ITPR2: variants seen among roughly 807,000 people sequenced by gnomAD.
The protein encoded by ITPR2 is inositol 1,4,5-trisphosphate receptor type 2.
ITPR2 carries 207 observed loss-of-function variants against 317.1 expected under a neutral mutation model. The ratio of observed to expected loss-of-function variants is 0.65; its 90% CI spans 0.58 to 0.73. ITPR2 has a LOEUF of 0.73. Ranked by LOEUF, ITPR2 falls within the 30% of genes least tolerant of loss-of-function variation. ITPR2 has a pLI of 0.00. For synonymous variants in ITPR2, 1,156 were observed against 1,149.1 expected, an observed-to-expected ratio of 1.01 and a Z score of -0.12; for missense variants, 2,613 against 3,284.0, an observed-to-expected ratio of 0.80 and a Z score of 4.99.
At chr12:26,657,355 C>T (rs994501510) in intron 18 of ITPR2, among the ~76,000 whole-genome samples, 7 of 152,160 alleles carry the variant, frequency 4.6e-5, no homozygotes, top group African/African-American at 1.7e-4. Flanking sequence ...ACCCTTGTAG[C>T]CAGATCAATT....
chr12:26,592,466 T>C (rs1049415243), intron 32 of ITPR2, among the ~76,000 whole-genome samples: 12 of 152,242 alleles, frequency 7.9e-5, no homozygotes, highest in African/African-American at 2.9e-4. Context: ...ATATCCCATT[T>C]ACCTTGATGT....
Position 26,597,114 on chromosome 12 carries a change from G to A in ITPR2, c.4023C>T (p.Asp1341=), listed in dbSNP as rs771963402. 1.0e-4 allele frequency: 161 copies of A among 1,613,566 alleles called. No individual in the cohort carries two copies. The highest frequency in any genetic ancestry group is 1.6e-4 in the Middle Eastern group (1 of 6,084). The part of the protein sequence containing the change: ...VMTELINGGE[D]VLIFYNDRAS... ...CTCTATCATTGTAAAATATCAGCAC[G>A]TCTTCACCCCCATTTATCAACTGAA... Residue 1341 remains aspartate (D), a synonymous_variant, in exon 31 of 57, where the codon GAC becomes GAT. Coordinates refer to ENST00000381340, the MANE Select transcript of ITPR2 (RefSeq NM_002223.4).
chr12:26,516,927 T>A (rs1943538291), intron 37 of ITPR2, among the ~76,000 whole-genome samples: 1 of 151,980 alleles, frequency 6.6e-6, no homozygotes, highest in Non-Finnish European at 1.5e-5. Flanking sequence ...AGCATATACA[T>A]AATTGGAGAT....
At chr12:26,356,244 C>T (rs1366190121) in intron 55 of ITPR2, among the ~76,000 whole-genome samples, 1 of 152,158 alleles carries the variant, frequency 6.6e-6, no homozygotes, top group African/African-American at 2.4e-5. Flanking sequence ...CTAGATGGGT[C>T]CCAGACCACG....
At chr12:26,673,534 G>A (rs1418075049) in intron 13 of ITPR2, among the ~76,000 whole-genome samples, 1 of 151,074 alleles carries the variant, frequency 6.6e-6, no homozygotes, top group African/African-American at 2.4e-5. Context: ...AGGTATTGAT[G>A]GGACGTATCT....
chr12:26,607,940 C>G (rs1359319497), intron 26 of ITPR2, among the ~76,000 whole-genome samples: 2 of 151,810 alleles, frequency 1.3e-5, no homozygotes, highest in Non-Finnish European at 2.9e-5. Flanking sequence ...AAAAATTAGC[C>G]GGGCGTTTCT....
chr12:26,628,097 A>G lies in ITPR2; in HGVS notation c.3000T>C (p.Phe1000=). 6.2e-7 allele frequency: 1 copy of G among 1,612,630 alleles called. No homozygotes were observed. Among genetic ancestry groups the G allele is most frequent in the Non-Finnish European group, 8.5e-7 (1 of 1,178,666 alleles). The change falls in exon 23 of 57, where the codon TTT becomes TTC. Residue 1000 remains phenylalanine, a synonymous_variant. Coordinates refer to ENST00000381340, the MANE Select transcript of ITPR2 (RefSeq NM_002223.4). ...TCTCCGCATTGTCATTGTCCTCTCC[A>G]AACTCCTTCTTATATATTGACAGCA... ...SYMLSIYKKE[F]GEDNDNAETS... is the part of the protein sequence containing the mutation.
chr12:26,589,249 C>T (rs1287598697), intron 32 of ITPR2, among the ~76,000 whole-genome samples: 1 of 152,146 alleles, frequency 6.6e-6, no homozygotes. Flanking sequence ...AACAATCTAG[C>T]ACCAGTTTAT....
At chr12:26,387,684 G>GA (rs977151158) in intron 54 of ITPR2, 90 bp from the exon 55 acceptor site, 32 of 1,260,600 alleles carry the variant, frequency 2.5e-5, no homozygotes, top group East Asian at 2.5e-4. Context: ...TAATTATTGT[G>GA]AAAAAAATGC....
At chr12:26,448,255 C>T (rs2035657) in intron 45 of ITPR2, among the ~76,000 whole-genome samples, 127,712 of 151,928 alleles carry the variant, frequency 0.84, 53,768 homozygotes, top group Non-Finnish European at 0.87. Context: ...GACTTGAAAT[C>T]AGCTGATGTC....
chr12:26,582,433 C>T lies in ITPR2; in HGVS notation c.4381-2278G>A, dbSNP rs1945427288. On this transcript the variant is annotated intron_variant, in intron 32 of 56. Transcript: ENST00000381340. ...CATATTATTCACATAACATTCTTTC[C>T]TATAAAACACTTTTATGTACTGCCA... is the stretch of plus-strand genomic sequence containing the variant. 3.3e-5 allele frequency among the ~76,000 whole-genome samples: 5 copies of T among 152,142 alleles called. No individual in the cohort carries two copies. In the South Asian group the frequency reaches 1.0e-3, roughly 31 times the overall value.
intron 13 of ITPR2, among the ~76,000 whole-genome samples, chr12:26,672,300 G>A (rs1224795064): frequency 2.6e-5 from 4 of 151,672 alleles, no homozygotes; most frequent in African/African-American, 9.7e-5. Context: ...ATAGTTGGAA[G>A]TAAAGCTCTC....
At position 26,695,579 on chromosome 12, in the gene ITPR2, T is replaced by C. The variant is rs768680615; in HGVS notation, c.996+27A>G. The C allele has an allele frequency of 6.9e-6, 11 of 1,582,932 alleles. No homozygotes were observed. In the Admixed American group the frequency reaches 1.7e-4, roughly 24 times the overall value. On this transcript the variant is annotated intron_variant, in intron 10 of 56. Transcript: ENST00000381340. ...AAAATAATAACAATATGCTGAGATT[T>C]GTTGGAGAAAAGCCAGTTCTACTCA...
chr12:26,673,741 G>A (rs1410278362), intron 13 of ITPR2, among the ~76,000 whole-genome samples: 1 of 150,314 alleles, frequency 6.7e-6, no homozygotes, highest in African/African-American at 2.5e-5. Flanking sequence ...ATTAGGAAAA[G>A]AGGAAGTCAA....
intron 37 of ITPR2, among the ~76,000 whole-genome samples, chr12:26,517,603 C>A (rs1943558216): frequency 6.6e-6 from 1 of 152,160 alleles, no homozygotes; most frequent in South Asian, 2.1e-4. Context: ...TTTGGGAGGC[C>A]AAGGCAGGTG....
At chr12:26,718,589 A>G (rs1019143527) in intron 5 of ITPR2, among the ~76,000 whole-genome samples, 20 of 149,676 alleles carry the variant, frequency 1.3e-4, no homozygotes, top group African/African-American at 3.4e-4. Flanking sequence ...GTATATATAT[A>G]TGTGTGTGTG....
intron 2 of ITPR2, among the ~76,000 whole-genome samples, chr12:26,740,708 G>A (rs984681693): frequency 5.9e-5 from 9 of 152,190 alleles, no homozygotes; most frequent in Admixed American, 1.3e-4. Context: ...TTATTACTTC[G>A]GTAAAAATTT....
intron 49 of ITPR2, among the ~76,000 whole-genome samples, chr12:26,425,687 GCT>G (rs1437997279): frequency 6.9e-6 from 1 of 144,082 alleles, no homozygotes; most frequent in Non-Finnish European, 1.5e-5. Context: ...AAAAAAAAAC[GCT>G]CTGAGCTGGT....
intron 45 of ITPR2, among the ~76,000 whole-genome samples, chr12:26,460,584 A>C (rs1232187213): frequency 1.3e-5 from 2 of 152,212 alleles, no homozygotes; most frequent in African/African-American, 2.4e-5. Context: ...TCAGACAAAT[A>C]GGGAAGGAAG....
Sources: allele counts gnomAD v4.1 joint callset (sites outside exome capture counted in the v4.1 genomes callset), GRCh38; gene constraint gnomAD v4.1.1; transcripts MANE v1.5; gene names NCBI Gene and HGNC (gene_info 2026-07-23, HGNC 2026-07-21).